The following SLC30A6 variants were observed in gnomAD, a reference collection of about 807,000 sequenced individuals.
SLC30A6 encodes solute carrier family 30 member 6.
Under a neutral mutation model 63.0 loss-of-function variants are expected in SLC30A6, and 55 were observed. The ratio of observed to expected loss-of-function variants is 0.87; its 90% CI spans 0.70 to 1.09. The LOEUF (loss-of-function observed/expected upper bound fraction) is 1.09. SLC30A6 is among the 50% of genes least tolerant of loss of function. SLC30A6 has a pLI of 0.00. For synonymous variants in SLC30A6, 224 were observed against 186.1 expected, an observed-to-expected ratio of 1.20 and a Z score of -1.66; for missense variants, 587 against 549.2, an observed-to-expected ratio of 1.07 and a Z score of -0.69.
intron 12 of SLC30A6, among the ~76,000 whole-genome samples, chr2:32,209,212 G>A (rs1340412840): frequency 6.6e-6 from 1 of 152,208 alleles, no homozygotes; most frequent in East Asian, 1.9e-4. Flanking sequence ...ACCATACACT[G>A]TTGAAGAAAT....
intron 12 of SLC30A6, among the ~76,000 whole-genome samples, chr2:32,207,539 G>T (rs1684880901): frequency 6.6e-6 from 1 of 151,406 alleles, no homozygotes; most frequent in African/African-American, 2.4e-5. Flanking sequence ...ACCATACCCA[G>T]CTAATTTTTG....
chr2:32,174,968 C>G lies in SLC30A6; in HGVS notation c.176-351C>G, dbSNP rs148333718. Among the ~76,000 whole-genome samples, 920 of 152,122 alleles carry G rather than the reference C, an allele frequency of 6.0e-3. 10 individuals are homozygous for G. The highest frequency in any genetic ancestry group is 0.021 in the African/African-American group (870 of 41,508). ...GAATTCTGTAATTTTTTTCTTATAT[C>G]TTTTTATGTTTTTTATTGCATTGTT... is the stretch of plus-strand genomic sequence containing the variant. On this transcript the variant is annotated intron_variant, in intron 3 of 13. Transcript: ENST00000282587.
chr2:32,192,438 T>C, intron 6 of SLC30A6, 22 bp downstream of exon 6: 4 of 1,592,722 alleles, frequency 2.5e-6, no homozygotes, highest in Non-Finnish European at 3.4e-6. Context: ...TAGGATATTA[T>C]TCTAAATCCC....
Position 32,184,296 on chromosome 2 carries a change from A to T in SLC30A6, c.242A>T (p.Tyr81Phe). ...LFSLMTCLIS[Y>F]WVTLRKPSPV... ...AGTTTAATGACATGTTTAATAAGTT[A>T]CTGGGTAACATTGAGGAAACCTAGC... The change falls in exon 5 of 14, where the codon TAC (tyrosine) becomes TTC (phenylalanine). Residue 81 changes from tyrosine to phenylalanine, a missense_variant. Coordinates refer to ENST00000282587, the MANE Select transcript of SLC30A6 (RefSeq NM_017964.5). The T allele has an allele frequency of 6.4e-7, 1 of 1,551,196 alleles. No homozygotes were observed.
At chr2:32,211,565 T>C (rs902518769) in intron 13 of SLC30A6, among the ~76,000 whole-genome samples, 7 of 152,288 alleles carry the variant, frequency 4.6e-5, no homozygotes, top group African/African-American at 1.4e-4. Flanking sequence ...GTCTTGGCAT[T>C]GGTCATTCTG....
chr2:32,191,475 A>T (rs1471005365), intron 5 of SLC30A6, among the ~76,000 whole-genome samples: 1 of 152,226 alleles, frequency 6.6e-6, no homozygotes, highest in Non-Finnish European at 1.5e-5. Flanking sequence ...TACCATAAAT[A>T]TTGAATACCA....
chr2:32,175,868 G>C (rs1681693115), intron 4 of SLC30A6, among the ~76,000 whole-genome samples: 1 of 152,150 alleles, frequency 6.6e-6, no homozygotes, highest in African/African-American at 2.4e-5. Flanking sequence ...AGCTACTTGG[G>C]AGGGTGAGGC....
In SLC30A6 at chr2:32,206,235, A is replaced by G. The variant is rs184890808; in HGVS notation, c.769-651A>G. ...GCCGAGGTGGTTAGATGACGAGGTCAGGAGATCAAGACCATCCTGGCTAAC... is the reference window on the plus strand; with the variant it reads ...GCCGAGGTGGTTAGATGACGAGGTCGGGAGATCAAGACCATCCTGGCTAAC... On this transcript the variant is annotated intron_variant, in intron 11 of 13. Transcript: ENST00000282587. Among the ~76,000 whole-genome samples the G allele has an allele frequency of 5.7e-4, 86 of 152,032 alleles. No homozygotes were observed. In the East Asian group the frequency reaches 0.014, roughly 25 times the overall value.
At chr2:32,181,380 GATT>G (rs776583230) in intron 4 of SLC30A6, among the ~76,000 whole-genome samples, 19 of 152,048 alleles carry the variant, frequency 1.2e-4, no homozygotes, top group Non-Finnish European at 2.8e-4. Context: ...CTGATTTGAG[GATT>G]ATTAAGATGT....
intron 7 of SLC30A6, among the ~76,000 whole-genome samples, chr2:32,193,227 C>A (rs891597548): frequency 6.6e-6 from 1 of 152,098 alleles, no homozygotes; most frequent in African/African-American, 2.4e-5. Flanking sequence ...ACCCAGCTTC[C>A]CCTAGTCTTC....
In SLC30A6 at chr2:32,165,866, A is replaced by T; in HGVS notation, c.-35A>T. ...GTTCTGGGAAAACTCGAGCACCCAG[A>T]ACGGCTTCCGGCGGGAGCTGTGCAG... On this transcript the variant is annotated 5_prime_UTR_variant, in exon 1 of 14. Transcript: ENST00000282587. 6.2e-7 allele frequency: 1 copy of T among 1,613,878 alleles called. No individual in the cohort carries two copies. Among genetic ancestry groups the T allele is most frequent in the South Asian group, 1.1e-5 (1 of 91,068 alleles).
At position 32,197,405 on chromosome 2, in the gene SLC30A6, G is replaced by T; in HGVS notation, c.545+13G>T. The T allele has an allele frequency of 5.0e-6, 8 of 1,609,460 alleles. No individual in the cohort carries two copies. The highest frequency in any genetic ancestry group is 6.8e-6 in the Non-Finnish European group (8 of 1,176,080). ...ATCTTAGTCGAAGGTAAGATGTTATGGAGTTTCATGATATGCATAATTTAA... is the reference window on the plus strand; with the variant it reads ...ATCTTAGTCGAAGGTAAGATGTTATTGAGTTTCATGATATGCATAATTTAA... On this transcript the variant is annotated intron_variant, in intron 9 of 13. Coordinates refer to ENST00000282587, the MANE Select transcript of SLC30A6 (RefSeq NM_017964.5).
rs777377261 is a variant in SLC30A6, at chr2:32,197,833, A to T, written c.665+7A>T. On this transcript the variant is annotated splice_region_variant and intron_variant, in intron 10 of 13. Transcript: ENST00000282587. ...ATATGCTCATTGAAATTAAGTGAGT[A>T]TTTTTTATTGTTGTCAAGTATGTTT... The T allele has an allele frequency of 6.2e-7, 1 of 1,613,028 alleles. No individual in the cohort carries two copies. Among genetic ancestry groups the T allele is most frequent in the Admixed American group, 1.7e-5 (1 of 59,910 alleles).
chr2:32,169,420 TC>T (rs766056825), intron 1 of SLC30A6, among the ~76,000 whole-genome samples: 17 of 152,074 alleles, frequency 1.1e-4, no homozygotes, highest in Non-Finnish European at 2.5e-4. Flanking sequence ...CAACTGATCC[TC>T]CTGACTCAGT....
chr2:32,166,032 G>A lies in SLC30A6; in HGVS notation c.3+129G>A, dbSNP rs769992419. 5.2e-6 allele frequency: 7 copies of A among 1,341,252 alleles called. No homozygotes were observed. The East Asian group carries it at 1.6e-4, about 31-fold the overall frequency. The allele number at this position is 1,341,252 out of a possible 1,614,324, so 83.1% of individuals were successfully genotyped here. A position where few individuals can be genotyped will look rare whatever the true frequency, so the allele number is the denominator to read the frequency against. ...CATTGGAGTTGAAGTCGGGCCCCTT[G>A]GCAGGAGCGGCTGTCTCCCAAAATG... On this transcript the variant is annotated intron_variant, in intron 1 of 13. Transcript: ENST00000282587.
chr2:32,203,426 G>A, intron 10 of SLC30A6: 1 of 1,447,308 alleles, frequency 6.9e-7, no homozygotes, highest in East Asian at 2.3e-5. Flanking sequence ...TGCTGCTGTT[G>A]ATTTTTTCCA....
At chr2:32,203,224 T>A in intron 10 of SLC30A6, 2 of 1,057,194 alleles carry the variant, frequency 1.9e-6, no homozygotes, top group Non-Finnish European at 3.0e-6. Context: ...ATATCCATCG[T>A]TCTGGACGCA....
chr2:32,192,548 CT>C, intron 6 of SLC30A6, 132 bp downstream of exon 6: 1 of 687,770 alleles, frequency 1.5e-6, no homozygotes. Context: ...TGATAGTACA[CT>C]TTCTTTATGT....
chr2:32,176,343 G>T (rs1357537439), intron 4 of SLC30A6, among the ~76,000 whole-genome samples: 2 of 152,074 alleles, frequency 1.3e-5, no homozygotes, highest in Non-Finnish European at 2.9e-5. Context: ...TTAGGGAAAC[G>T]TGCTCTTTTG....
Sources: gnomAD v4.1 joint callset for allele counts (sites outside exome capture counted in the v4.1 genomes callset) on GRCh38, gnomAD v4.1.1 for gene constraint, MANE v1.5 for transcripts, NCBI Gene and HGNC (gene_info 2026-07-23, HGNC 2026-07-21) for gene names.